VPS13B: variants seen among roughly 807,000 people sequenced by gnomAD.
The protein encoded by VPS13B is vacuolar protein sorting 13 homolog B, also known as intermembrane lipid transfer protein VPS13B.
VPS13B carries 285 observed loss-of-function variants against 426.4 expected under a neutral mutation model. The observed-to-expected ratio is 0.67, with a 90% CI of 0.61 to 0.74. The LOEUF is 0.74. VPS13B is among the 30% of genes least tolerant of loss of function. The probability of loss-of-function intolerance (pLI) is 0.00; values close to 1 mark genes in which losing one functional copy is unlikely to be tolerated. For missense variants in VPS13B, 4,537 were observed against 4,782.6 expected (o/e 0.95, Z 1.51); for synonymous variants, 1,676 against 1,676.4 (o/e 1.00, Z 0.01).
chr8:99,436,939 C>A (rs1427411988), intron 22 of VPS13B, among the ~76,000 whole-genome samples: 2 of 152,076 alleles, frequency 1.3e-5, no homozygotes, highest in Non-Finnish European at 2.9e-5. Context: ...CGGAGTTTCA[C>A]CGTGTTAGCC....
At chr8:99,629,832 C>G (rs1473074608) in intron 33 of VPS13B, among the ~76,000 whole-genome samples, 2 of 152,132 alleles carry the variant, frequency 1.3e-5, no homozygotes, top group Admixed American at 6.5e-5. Flanking sequence ...ATTTCAGGTT[C>G]CCATAATTGT....
intron 17 of VPS13B, among the ~76,000 whole-genome samples, chr8:99,264,283 T>C (rs1274315319): frequency 6.6e-6 from 1 of 151,974 alleles, no homozygotes; most frequent in East Asian, 1.9e-4. Flanking sequence ...TGTCTTGAAA[T>C]TTCCTTTTAT....
intron 35 of VPS13B, 70 bp downstream of exon 35, chr8:99,661,561 T>C: frequency 6.4e-7 from 1 of 1,558,128 alleles, no homozygotes; most frequent in Non-Finnish European, 8.7e-7. Context: ...ATATAGGATC[T>C]GTTAGTAATC....
At position 99,210,704 on chromosome 8, in the gene VPS13B, C is replaced by T. The variant is rs182060778; in HGVS notation, c.2515+17647C>T. Among the ~76,000 whole-genome samples, 123 of 152,190 alleles carry T rather than the reference C, an allele frequency of 8.1e-4. No individual in the cohort carries two copies. In the Middle Eastern group the frequency reaches 0.017, roughly 21 times the overall value. On this transcript the variant is annotated intron_variant, in intron 17 of 61. Coordinates refer to ENST00000357162, the MANE Select transcript of VPS13B (RefSeq NM_152564.5). Reference sequence around the variant, plus strand: ...CACTGCAACTTCAGCCTCCTGGGCTCAAAAGATACTCCTACCTTAGCCTCC... The same window carrying T: ...CACTGCAACTTCAGCCTCCTGGGCTTAAAAGATACTCCTACCTTAGCCTCC...
intron 19 of VPS13B, among the ~76,000 whole-genome samples, chr8:99,360,163 TTTC>T: frequency 2.6e-5 from 1 of 38,800 alleles, no homozygotes; most frequent in Admixed American, 2.8e-4. Context: ...TCTTTCTTTC[TTTC>T]TTTCTTTCTT....
Position 99,778,944 on chromosome 8 carries a change from C to T in VPS13B, c.7692C>T (p.Asp2564=). 1 of 1,613,960 alleles carries T rather than the reference C, an allele frequency of 6.2e-7. No individual in the cohort carries two copies. The highest frequency in any genetic ancestry group is 8.5e-7 in the Non-Finnish European group (1 of 1,179,894). Residue 2564 remains aspartate (D), a synonymous_variant, in exon 42 of 62, where the codon GAC becomes GAT. Transcript: ENST00000357162. ...GCGATGTAGTGGAAAAGCTGCTTGACTGCACCGTGATAGTTGATTCTGTAT... is the reference window on the plus strand; with the variant it reads ...GCGATGTAGTGGAAAAGCTGCTTGATTGCACCGTGATAGTTGATTCTGTAT... ...VSSDVVEKLL[D]CTVIVDSVFV... is the part of the protein sequence containing the mutation.
intron 34 of VPS13B, among the ~76,000 whole-genome samples, chr8:99,661,137 T>C (rs1401385717): frequency 6.6e-6 from 1 of 152,178 alleles, no homozygotes; most frequent in Non-Finnish European, 1.5e-5. Context: ...CTCTTTGTTC[T>C]GGAAAACATG....
chr8:99,770,669 G>A (rs1811442190), intron 40 of VPS13B, among the ~76,000 whole-genome samples: 1 of 152,164 alleles, frequency 6.6e-6, no homozygotes, highest in South Asian at 2.1e-4. Flanking sequence ...GGCTGCAAAG[G>A]AACCGGGAAA....
At chr8:99,349,312 G>C (rs1396084020) in intron 19 of VPS13B, among the ~76,000 whole-genome samples, 1 of 101,418 alleles carries the variant, frequency 9.9e-6, no homozygotes, top group Non-Finnish European at 1.7e-5. Context: ...CAGCCTGGGC[G>C]ACAGAGCGAG....
intron 33 of VPS13B, among the ~76,000 whole-genome samples, chr8:99,620,932 A>G (rs903874773): frequency 1.4e-5 from 2 of 148,098 alleles, no homozygotes; most frequent in African/African-American, 5.0e-5. Context: ...TTTGCAGTGA[A>G]CTGAGACTGT....
intron 17 of VPS13B, among the ~76,000 whole-genome samples, chr8:99,236,577 A>G (rs111259267): frequency 0.026 from 4,020 of 152,232 alleles, 184 homozygotes; most frequent in African/African-American, 0.091. Flanking sequence ...TGTAATCTCT[A>G]AGCTCTCTTC....
In VPS13B at chr8:99,817,745, A is replaced by C. The variant is rs1361493615; in HGVS notation, c.8303A>C (p.Asp2768Ala). The change falls in exon 45 of 62, where the codon GAC (aspartate) becomes GCC (alanine). Residue 2768 changes from aspartate to alanine, a missense_variant. Asp to Ala is a moderately radical substitution (Grantham distance 126). This residue lies in a region of VPS13B where 4,311 missense variants were observed against 4,474.3 expected (regional missense o/e 0.96). Transcript: ENST00000357162. Reference sequence around the variant, plus strand: ...TGTGTGAAGGCCAAAGGAGATGAAGACTGGTCAAGAGATGTGTGCCTGGAA... The same window carrying C: ...TGTGTGAAGGCCAAAGGAGATGAAGCCTGGTCAAGAGATGTGTGCCTGGAA... Reference protein sequence around the residue: ...ELCVKAKGDEDWSRDVCLESK... With the variant: ...ELCVKAKGDEAWSRDVCLESK... 1.2e-6 allele frequency: 2 copies of C among 1,613,994 alleles called. No individual in the cohort carries two copies. Among genetic ancestry groups the C allele is most frequent in the Non-Finnish European group, 1.7e-6 (2 of 1,179,996 alleles).
Position 99,848,864 on chromosome 8 carries a change from A to C in VPS13B, c.10031A>C (p.Lys3344Thr). 1 of 1,614,190 alleles carries C rather than the reference A, an allele frequency of 6.2e-7. No homozygotes were observed. ...TVFITVAPEG[K>T]AGPILTNTNR... ...TTCATCACTGTGGCCCCAGAAGGAA[A>C]AGCAGGACCTATTTTAACCAATACC... The change falls in exon 55 of 62, where the codon AAA becomes ACA. Residue 3344 changes from lysine (K) to threonine (T), a missense_variant. Lys to Thr is a moderately conservative substitution (Grantham distance 78). Coordinates refer to ENST00000357162, the MANE Select transcript of VPS13B (RefSeq NM_152564.5).
intron 5 of VPS13B, among the ~76,000 whole-genome samples, chr8:99,107,820 G>T (rs1847125411): frequency 6.6e-6 from 1 of 152,156 alleles, no homozygotes; most frequent in South Asian, 2.1e-4. Context: ...TACTATCTGT[G>T]AGAATTAATA....
intron 21 of VPS13B, among the ~76,000 whole-genome samples, chr8:99,419,475 ATGC>A (rs1816256787): frequency 1.3e-5 from 2 of 152,178 alleles, no homozygotes; most frequent in Middle Eastern, 3.2e-3. Context: ...TCTTTAAAAA[ATGC>A]TGCCTCTCCA....
At chr8:99,532,017 C>A (rs1031991952) in intron 30 of VPS13B, among the ~76,000 whole-genome samples, 1 of 151,890 alleles carries the variant, frequency 6.6e-6, no homozygotes, top group South Asian at 2.1e-4. Flanking sequence ...CTTTTTACTT[C>A]GGAGGTATTT....
Position 99,717,248 on chromosome 8 carries a change from A to C in VPS13B, c.6532A>C (p.Ile2178Leu). ...AACAAGTCTCAAAGAAAGAAGCCGC[A>C]TTCTGATAGGACCATGTTGTGCTAC... is the stretch of plus-strand genomic sequence containing the variant. ...LKTSLKERSRILIGPCCATAN... is the reference protein window; with the variant it reads ...LKTSLKERSRLLIGPCCATAN... The change falls in exon 37 of 62, where the codon ATT becomes CTT. Residue 2178 changes from isoleucine (I) to leucine (L), a missense_variant. Ile to Leu is a conservative substitution (Grantham distance 5). This residue lies in a region of VPS13B where 4,311 missense variants were observed against 4,474.3 expected (regional missense o/e 0.96). Transcript: ENST00000357162. The C allele has an allele frequency of 6.2e-7, 1 of 1,614,078 alleles. No homozygotes were observed. The highest frequency in any genetic ancestry group is 8.5e-7 in the Non-Finnish European group (1 of 1,179,970).
At chr8:99,355,937 G>C (rs1196720044) in intron 19 of VPS13B, among the ~76,000 whole-genome samples, 1 of 152,130 alleles carries the variant, frequency 6.6e-6, no homozygotes, top group Admixed American at 6.5e-5. Context: ...GCTTGGCATA[G>C]AGTTGGTGCC....
intron 43 of VPS13B, among the ~76,000 whole-genome samples, chr8:99,808,025 C>T (rs1261929445): frequency 6.6e-6 from 1 of 151,758 alleles, no homozygotes; most frequent in Non-Finnish European, 1.5e-5. Context: ...AATATTATGG[C>T]AATTTCCATG....
Sources: allele counts gnomAD v4.1 joint callset (sites outside exome capture counted in the v4.1 genomes callset), GRCh38; gene constraint gnomAD v4.1.1; regional missense constraint gnomAD v4.1.1; transcripts MANE v1.5; gene names NCBI Gene and HGNC (gene_info 2026-07-23, HGNC 2026-07-21).